The following ESRRG variants were observed in gnomAD, a reference collection of about 807,000 sequenced individuals.
The protein encoded by ESRRG is estrogen related receptor gamma, also known as estrogen-related receptor gamma.
Under a neutral mutation model 44.0 loss-of-function variants are expected in ESRRG, and 13 were observed. That is an observed-to-expected ratio of 0.30 (90% CI 0.19 to 0.47). The LOEUF is 0.47. Ranked by LOEUF, ESRRG falls within the 20% of genes least tolerant of loss-of-function variation. ESRRG has a pLI of 1.00. For synonymous variants in ESRRG, 215 were observed against 214.6 expected (o/e 1.00, Z -0.02); for missense variants, 395 against 580.6 (o/e 0.68, Z 3.29).
chr1:216,687,171 G>A (rs1328835035), intron 1 of ESRRG, among the ~76,000 whole-genome samples: 1 of 152,102 alleles, frequency 6.6e-6, no homozygotes, highest in Admixed American at 6.6e-5. Flanking sequence ...CTCCCAGTGG[G>A]CTACAAAAAG....
chr1:216,613,517 G>A (rs1440952638), intron 3 of ESRRG, among the ~76,000 whole-genome samples: 2 of 152,122 alleles, frequency 1.3e-5, no homozygotes, highest in African/African-American at 4.8e-5. Flanking sequence ...GACGTGGAAA[G>A]CACCTTAAAA....
At chr1:217,136,539 A>G (rs975661391) in intron 1 of ESRRG, among the ~76,000 whole-genome samples, 4 of 152,112 alleles carry the variant, frequency 2.6e-5, no homozygotes, top group African/African-American at 9.7e-5. Context: ...GGGTTTTGCC[A>G]TGGGGTCTTG....
chr1:217,123,138 T>C (rs2092843802), intron 1 of ESRRG, among the ~76,000 whole-genome samples: 1 of 152,142 alleles, frequency 6.6e-6, no homozygotes, highest in Admixed American at 6.5e-5. Context: ...TGCTAACCAA[T>C]GGAAATGGTG....
chr1:216,786,338 A>T (rs1009805818), intron 2 of ESRRG, among the ~76,000 whole-genome samples: 1 of 152,128 alleles, frequency 6.6e-6, no homozygotes, highest in Admixed American at 6.6e-5. Flanking sequence ...ATGGAATATG[A>T]TCTCAAACGT....
rs148110419 is a variant in ESRRG at position 217,007,009 on chromosome 1, A to G, written c.-105-67336T>C. Reference sequence around the variant, plus strand: ...ATCATATCACCAGTTTAAGGCTTATAAAAACTATTTTAATTCTATGTGATT... The same window carrying G: ...ATCATATCACCAGTTTAAGGCTTATGAAAACTATTTTAATTCTATGTGATT... On this transcript the variant is annotated intron_variant, in intron 1 of 7. Transcript: ENST00000359162. 1.2e-4 allele frequency among the ~76,000 whole-genome samples: 18 copies of G among 152,276 alleles called. No individual in the cohort carries two copies. In the East Asian group the frequency reaches 3.3e-3, roughly 28 times the overall value.
chr1:217,136,200 G>A (rs60382057), intron 1 of ESRRG, among the ~76,000 whole-genome samples: 10,955 of 152,204 alleles, frequency 0.072, 487 homozygotes, highest in East Asian at 0.23. Context: ...AGGGCGATCC[G>A]GAGCCGGGTT....
At chr1:216,666,687 T>A (rs2074005191) in intron 2 of ESRRG, among the ~76,000 whole-genome samples, 1 of 152,180 alleles carries the variant, frequency 6.6e-6, no homozygotes. Flanking sequence ...CTGGGGAAAG[T>A]CCAGTGATCT....
chr1:216,749,124 T>C (rs2152283196), intron 2 of ESRRG, among the ~76,000 whole-genome samples: 1 of 148,028 alleles, frequency 6.8e-6, no homozygotes, highest in African/African-American at 2.5e-5. Context: ...TGCTGGGAAC[T>C]TGCACAGTTA....
At chr1:216,846,950 G>GA (rs1367210922) in intron 2 of ESRRG, among the ~76,000 whole-genome samples, 1 of 152,034 alleles carries the variant, frequency 6.6e-6, no homozygotes, top group East Asian at 1.9e-4. Context: ...CTGCAACAGT[G>GA]CAGTCACTAA....
chr1:216,794,812 C>T (rs1378620395), intron 2 of ESRRG, among the ~76,000 whole-genome samples: 3 of 152,204 alleles, frequency 2.0e-5, no homozygotes, highest in Admixed American at 1.3e-4. Flanking sequence ...CAGCCTTTCA[C>T]TGGGAAATAA....
At chr1:217,136,780 T>G (rs1363120784) in intron 1 of ESRRG, among the ~76,000 whole-genome samples, 2 of 152,128 alleles carry the variant, frequency 1.3e-5, no homozygotes, top group African/African-American at 4.8e-5. Flanking sequence ...GCCCCCCGAA[T>G]ATAACAGACA....
At position 216,677,306 on chromosome 1, in the gene ESRRG, G is replaced by A. The variant is rs761583933; in HGVS notation, c.242C>T (p.Ser81Leu). The A allele has an allele frequency of 1.7e-5, 28 of 1,614,012 alleles. No homozygotes were observed. The highest frequency in any genetic ancestry group is 3.3e-5 in the Admixed American group (2 of 59,992). ...TMNGHQNGLDSPPLYPSAPIL... is the reference protein window; with the variant it reads ...TMNGHQNGLDLPPLYPSAPIL... ...AGGAGCAGAAGGGTAGAGAGGTGGCGAGTCAAGTCCGTTCTGATGGCCATT... is the reference window on the plus strand; with the variant it reads ...AGGAGCAGAAGGGTAGAGAGGTGGCAAGTCAAGTCCGTTCTGATGGCCATT... The change falls in exon 2 of 7, where the codon TCG (serine) becomes TTG (leucine). Residue 81 changes from serine (S) to leucine (L), a missense_variant. Around this residue, in one of 5 missense-constraint regions of ESRRG, gnomAD observed 148 missense variants for 150.4 expected, o/e 0.98. Transcript: ENST00000408911.
Position 216,728,810 on chromosome 1 carries a change from T to C in ESRRG, c.-13-51319A>G, listed in dbSNP as rs1039916876. Among the ~76,000 whole-genome samples the C allele has an allele frequency of 6.6e-5, 10 of 151,680 alleles. No individual in the cohort carries two copies. In the East Asian group the frequency reaches 1.9e-3, roughly 29 times the overall value. On this transcript the variant is annotated intron_variant, in intron 2 of 7. Transcript: ENST00000359162. ...AAAGGACTAGTAAAAAAAAAAAAAG[T>C]AAGATATTAACATCTGGTATCCATA... is the stretch of plus-strand genomic sequence containing the variant.
At chr1:216,855,379 A>T (rs114502194) in intron 2 of ESRRG, among the ~76,000 whole-genome samples, 1,719 of 152,198 alleles carry the variant, frequency 0.011, 25 homozygotes, top group African/African-American at 0.04. Flanking sequence ...AGTCACTGGG[A>T]TAAGAGCTTT....
At position 216,694,360 on chromosome 1, in the gene ESRRG, G is replaced by A. The variant is rs559703528; in HGVS notation, c.57-16869C>T. On this transcript the variant is annotated intron_variant, in intron 1 of 6. Coordinates refer to ENST00000408911, the MANE Select transcript of ESRRG (RefSeq NM_001438.4). ...GGAGGGGGTGGTGCTGAAGAATACTGTAGGGGATATGGAATCAGAAATGGG... is the reference window on the plus strand; with the variant it reads ...GGAGGGGGTGGTGCTGAAGAATACTATAGGGGATATGGAATCAGAAATGGG... 9.2e-5 allele frequency among the ~76,000 whole-genome samples: 14 copies of A among 152,236 alleles called. No individual in the cohort carries two copies. The South Asian group carries it at 2.9e-3, about 32-fold the overall frequency.
intron 4 of ESRRG, among the ~76,000 whole-genome samples, chr1:216,565,146 A>G (rs2059457749): frequency 6.6e-6 from 1 of 152,022 alleles, no homozygotes; most frequent in Admixed American, 6.6e-5. Flanking sequence ...GAAATTTGTG[A>G]TATATGTTTT....
At position 216,801,567 on chromosome 1, in the gene ESRRG, C is replaced by G. The variant is rs190975051; in HGVS notation, c.-13-124076G>C. Among the ~76,000 whole-genome samples the G allele has an allele frequency of 1.0e-3, 152 of 152,262 alleles. 1 individual carries two copies. The highest frequency in any genetic ancestry group is 3.1e-4 in the Non-Finnish European group (21 of 68,020). ...AACCTACATGCTCACCAAGAGTGTA[C>G]AGCGTTTCCTTTTCTGCACACCTTC... On this transcript the variant is annotated intron_variant, in intron 2 of 7. Transcript: ENST00000359162.
chr1:216,675,369 A>G (rs1254617627), intron 2 of ESRRG, among the ~76,000 whole-genome samples: 1 of 152,108 alleles, frequency 6.6e-6, no homozygotes, highest in Non-Finnish European at 1.5e-5. Context: ...TCAAAAAGAA[A>G]AAAAAAAGGG....
chr1:216,544,217 T>C (rs1345942556), intron 5 of ESRRG, among the ~76,000 whole-genome samples: 1 of 152,064 alleles, frequency 6.6e-6, no homozygotes, highest in Non-Finnish European at 1.5e-5. Context: ...TCAAGAGTAA[T>C]AATAATTCAG....
Sources: gnomAD v4.1 joint callset for allele counts (sites outside exome capture counted in the v4.1 genomes callset) on GRCh38, gnomAD v4.1.1 for gene constraint, gnomAD v4.1.1 regional missense constraint, MANE v1.5 for transcripts, NCBI Gene and HGNC (gene_info 2026-07-23, HGNC 2026-07-21) for gene names.